MTMR8: variants seen among roughly 807,000 people sequenced by gnomAD.
The protein encoded by MTMR8 is myotubularin related protein 8.
MTMR8 carries 65 observed loss-of-function variants against 39.3 expected under a neutral mutation model. That is an observed-to-expected ratio of 1.65 (90% CI 1.35 to 2.03). The LOEUF (loss-of-function observed/expected upper bound fraction) is 2.03, where lower values mean the gene tolerates loss of function less well. Among genes scored for constraint, MTMR8 ranks in the 30% most tolerant of loss-of-function variants. The pLI is 0.00. For synonymous variants in MTMR8, 245 were observed against 185.2 expected (o/e 1.32, Z -2.62); for missense variants, 777 against 538.9 (o/e 1.44, Z -4.37).
chrX:64,310,607 C>T (rs1006979445), intron 12 of MTMR8, among the ~76,000 whole-genome samples: 5 of 111,084 alleles, frequency 4.5e-5, no homozygotes, highest in Non-Finnish European at 9.4e-5. Flanking sequence ...CCCATCAACT[C>T]GTCATTTACA....
intron 3 of MTMR8, among the ~76,000 whole-genome samples, chrX:64,355,921 A>G (rs1348385939): frequency 9.0e-6 from 1 of 111,403 alleles, no homozygotes; most frequent in African/African-American, 3.3e-5. Context: ...AATATCTATT[A>G]AACATCTACT....
intron 12 of MTMR8, among the ~76,000 whole-genome samples, chrX:64,318,541 C>A (rs1922536269): frequency 9.0e-6 from 1 of 110,532 alleles, no homozygotes; most frequent in Admixed American, 9.7e-5. Context: ...TTCCTTAGGT[C>A]CTGTGGACCC....
At position 64,330,853 on chromosome X, in the gene MTMR8, A is replaced by G. The variant is rs974067593; in HGVS notation, c.1352+704T>C. 8.9e-5 allele frequency among the ~76,000 whole-genome samples: 10 copies of G among 111,963 alleles called. No individual in the cohort carries two copies. In the Admixed American group the frequency reaches 9.5e-4, roughly 11 times the overall value. On this transcript the variant is annotated intron_variant, in intron 11 of 13. Transcript: ENST00000374852. ...GCCAGAGCTCCTGATTTTTCAGAAT[A>G]TTTAGAAAAAACATCCTAAAATAAC...
chrX:64,360,512 A>C (rs1923752072), intron 1 of MTMR8: 1 of 141,205 alleles, frequency 7.1e-6, no homozygotes, highest in African/African-American at 3.2e-5. Context: ...AAGACAACAA[A>C]AAAAAATTCC....
chrX:64,289,474 C>T (rs991372791), intron 12 of MTMR8, among the ~76,000 whole-genome samples: 1 of 108,461 alleles, frequency 9.2e-6, no homozygotes, highest in East Asian at 2.9e-4. Context: ...CCTGTCTCTA[C>T]AAAAATAAAA....
At chrX:64,366,108 A>G (rs1054359495) in intron 1 of MTMR8, among the ~76,000 whole-genome samples, 1 of 112,071 alleles carries the variant, frequency 8.9e-6, no homozygotes, top group East Asian at 2.8e-4. Flanking sequence ...TCATAAAGCA[A>G]GTACTTAGAG....
At chrX:64,390,480 A>G (rs1346492408) in intron 1 of MTMR8, among the ~76,000 whole-genome samples, 2 of 111,851 alleles carry the variant, frequency 1.8e-5, no homozygotes, top group Non-Finnish European at 3.8e-5. Flanking sequence ...TTAAAAGACA[A>G]TGCTACCTCT....
At chrX:64,345,309 C>A in intron 6 of MTMR8, 132 bp from the exon 7 acceptor site, 1 of 633,455 alleles carries the variant, frequency 1.6e-6, no homozygotes, top group South Asian at 3.6e-5. Flanking sequence ...AGATGAGATA[C>A]ATTCTGGAAT....
chrX:64,305,657 T>C, intron 12 of MTMR8: 1 of 534,252 alleles, frequency 1.9e-6, no homozygotes. Context: ...CAGAGTCTAC[T>C]ACCATCTGTA....
At chrX:64,373,095 G>A (rs1168327446) in intron 1 of MTMR8, among the ~76,000 whole-genome samples, 1 of 111,863 alleles carries the variant, frequency 8.9e-6, no homozygotes, top group Admixed American at 9.5e-5. Flanking sequence ...TAAGATAGGT[G>A]ATATTGTTAA....
At chrX:64,327,849 TA>T (rs1317847716) in intron 12 of MTMR8, among the ~76,000 whole-genome samples, 4 of 111,160 alleles carry the variant, frequency 3.6e-5, no homozygotes, top group Non-Finnish European at 7.6e-5. Flanking sequence ...ATTTTAGCAA[TA>T]AAAAAGAAAG....
chrX:64,337,308 A>G lies in MTMR8; in HGVS notation c.1061T>C (p.Ile354Thr), dbSNP rs1024594529. The G allele has an allele frequency of 5.8e-6, 7 of 1,208,307 alleles. No homozygotes were observed. The African/African-American group carries it at 1.2e-4, about 21-fold the overall frequency. ...RTAQVCSVASILLDPFYRTFK... is the reference protein window; with the variant it reads ...RTAQVCSVASTLLDPFYRTFK... ...TGTCCTATAAAATGGATCTAGGAGG[A>G]TGCTAGCCACTGAGCAGACTTGTGC... The change falls in exon 9 of 14, where the codon ATC becomes ACC. Residue 354 changes from isoleucine (I) to threonine (T), a missense_variant. Coordinates refer to ENST00000374852, the MANE Select transcript of MTMR8 (RefSeq NM_017677.4).
intron 10 of MTMR8, among the ~76,000 whole-genome samples, chrX:64,333,238 C>G (rs1922988167): frequency 9.0e-6 from 1 of 110,994 alleles, no homozygotes; most frequent in South Asian, 3.8e-4. Flanking sequence ...TGTGTAGGTC[C>G]TTAACAACAT....
rs1195196844 is a variant in MTMR8 at position 64,318,871 on chromosome X, G to C, written c.1481+9901C>G. Among the ~76,000 whole-genome samples, 4 of 110,273 alleles carry C rather than the reference G, an allele frequency of 3.6e-5. No homozygotes were observed. In the East Asian group the frequency reaches 8.6e-4, roughly 24 times the overall value. On this transcript the variant is annotated intron_variant, in intron 12 of 13. Coordinates refer to ENST00000374852, the MANE Select transcript of MTMR8 (RefSeq NM_017677.4). ...TATTTTTGTATTTTTAGTAGAGACG[G>C]GATTTCACCATACTGGTCAGGCTGG...
chrX:64,320,590 C>T (rs775872650), intron 12 of MTMR8, among the ~76,000 whole-genome samples: 2 of 109,229 alleles, frequency 1.8e-5, no homozygotes, highest in African/African-American at 6.7e-5. Flanking sequence ...CCACAGCCAA[C>T]TGAGGCAAGG....
At chrX:64,321,370 A>G (rs73522792) in intron 12 of MTMR8, among the ~76,000 whole-genome samples, 163 of 112,311 alleles carry the variant, frequency 1.5e-3, no homozygotes, top group African/African-American at 4.8e-3. Context: ...GATAGCATCA[A>G]TAAAGAGACA....
intron 12 of MTMR8, among the ~76,000 whole-genome samples, chrX:64,322,460 C>A (rs1019571499): frequency 6.3e-5 from 7 of 111,789 alleles, no homozygotes; most frequent in African/African-American, 2.3e-4. Context: ...ATTTTGTTGA[C>A]TAGTTTGAGA....
chrX:64,284,031 A>T (rs1921059169), intron 12 of MTMR8, among the ~76,000 whole-genome samples: 1 of 112,090 alleles, frequency 8.9e-6, no homozygotes, highest in Admixed American at 9.5e-5. Flanking sequence ...ACTACCAGCT[A>T]AAGGAGGAAG....
intron 1 of MTMR8, among the ~76,000 whole-genome samples, chrX:64,380,409 T>A (rs927701524): frequency 8.9e-6 from 1 of 112,555 alleles, no homozygotes; most frequent in African/African-American, 3.2e-5. Context: ...TAACAAAACA[T>A]ATTCGGGCTC....
Sources: allele counts gnomAD v4.1 joint callset (sites outside exome capture counted in the v4.1 genomes callset), GRCh38; gene constraint gnomAD v4.1.1; transcripts MANE v1.5; gene names NCBI Gene and HGNC (gene_info 2026-07-23, HGNC 2026-07-21).